PDE4D: variants seen among roughly 807,000 people sequenced by gnomAD.
The protein encoded by PDE4D is 3',5'-cyclic-AMP phosphodiesterase 4D.
A neutral mutation model predicts 87.4 loss-of-function variants in PDE4D; 24 were observed. That is an observed-to-expected ratio of 0.27 (90% CI 0.20 to 0.39). The LOEUF (loss-of-function observed/expected upper bound fraction) is 0.39, where lower values mean the gene tolerates loss of function less well. Ranked by LOEUF, PDE4D falls within the 10% of genes least tolerant of loss-of-function variation. The pLI, the probability that PDE4D is intolerant of heterozygous loss-of-function variation, is 1.00. For missense variants in PDE4D, 714 were observed against 1,041.0 expected (o/e 0.69, Z 4.32); for synonymous variants, 384 against 383.2 (o/e 1.00, Z -0.02).
chr5:59,656,673 T>G (rs1180616000), intron 1 of PDE4D, among the ~76,000 whole-genome samples: 1 of 152,186 alleles, frequency 6.6e-6, no homozygotes, highest in African/African-American at 2.4e-5. Flanking sequence ...GGAAGTTTCT[T>G]AAACTTTGAA....
At chr5:59,368,753 T>A (rs147273654) in intron 1 of PDE4D, among the ~76,000 whole-genome samples, 1 of 152,306 alleles carries the variant, frequency 6.6e-6, no homozygotes, top group South Asian at 2.1e-4. Context: ...AGTTGAACAA[T>A]TGATTGGGAA....
intron 1 of PDE4D, among the ~76,000 whole-genome samples, chr5:59,852,719 G>T (rs981059333): frequency 2.0e-5 from 3 of 151,974 alleles, no homozygotes; most frequent in African/African-American, 7.2e-5. Flanking sequence ...GGTATATGCA[G>T]CAATAGGTAA....
rs1452242755 is a variant in PDE4D, at chr5:59,593,996, G to A, written c.455+299172C>T. Among the ~76,000 whole-genome samples the A allele has an allele frequency of 3.9e-5, 6 of 152,128 alleles. No individual in the cohort carries two copies. The South Asian group carries it at 1.0e-3, about 26-fold the overall frequency. ...AGTTAATCAGAGCCTAACCTGCTGGGGTTTTTTGTTCCATTTTGTTTTGTT... is the reference window on the plus strand; with the variant it reads ...AGTTAATCAGAGCCTAACCTGCTGGAGTTTTTTGTTCCATTTTGTTTTGTT... On this transcript the variant is annotated intron_variant, in intron 1 of 14. Transcript: ENST00000340635.
At chr5:59,638,624 T>G (rs1184017970) in intron 1 of PDE4D, among the ~76,000 whole-genome samples, 1 of 151,884 alleles carries the variant, frequency 6.6e-6, no homozygotes, top group African/African-American at 2.4e-5. Flanking sequence ...ACCCTCTACC[T>G]CCCAATCCTT....
intron 1 of PDE4D, among the ~76,000 whole-genome samples, chr5:60,428,383 A>G (rs1407657611): frequency 6.6e-6 from 1 of 152,114 alleles, no homozygotes; most frequent in African/African-American, 2.4e-5. Flanking sequence ...ACAGAGGAAC[A>G]AAAAACAGAA....
rs546193330 is a variant in PDE4D at position 59,179,136 on chromosome 5, T to C, written c.808+1459A>G. On this transcript the variant is annotated intron_variant, in intron 5 of 14. Transcript: ENST00000340635. ...TTCTCTTTATTTTTTGGAGACAGTC[T>C]TACTCTGTTGCCCAGGCTGGAGTGC... is the stretch of plus-strand genomic sequence containing the variant. 5.3e-5 allele frequency among the ~76,000 whole-genome samples: 8 copies of C among 152,332 alleles called. No individual in the cohort carries two copies. In the South Asian group the frequency reaches 1.2e-3, roughly 24 times the overall value.
At chr5:59,529,110 T>A (rs1285552014) in intron 1 of PDE4D, 1 of 473,234 alleles carries the variant, frequency 2.1e-6, no homozygotes, top group Non-Finnish European at 4.2e-6. Flanking sequence ...AATTTCAGAC[T>A]CACTCCTAAA....
At chr5:59,923,489 A>G (rs1482798977) in intron 3 of PDE4D, among the ~76,000 whole-genome samples, 1 of 148,922 alleles carries the variant, frequency 6.7e-6, no homozygotes, top group Non-Finnish European at 1.5e-5. Context: ...CCCCTCCCCA[A>G]GCTCCAGGTA....
At chr5:60,362,244 C>G (rs1027131923) in intron 1 of PDE4D, among the ~76,000 whole-genome samples, 3 of 152,162 alleles carry the variant, frequency 2.0e-5, no homozygotes, top group African/African-American at 7.2e-5. Context: ...TTCCCATGGA[C>G]TGGTGTTGAT....
intron 1 of PDE4D, among the ~76,000 whole-genome samples, chr5:59,881,330 T>C (rs1281296870): frequency 2.0e-5 from 3 of 152,200 alleles, no homozygotes; most frequent in African/African-American, 7.2e-5. Flanking sequence ...AAAATAACAT[T>C]GAAATTAGTA....
intron 5 of PDE4D, among the ~76,000 whole-genome samples, chr5:59,113,465 C>A (rs1773032844): frequency 6.6e-6 from 1 of 152,142 alleles, no homozygotes; most frequent in Non-Finnish European, 1.5e-5. Context: ...AACACATCAA[C>A]AAATCAAAAT....
At chr5:60,238,941 C>T (rs1401575033) in intron 1 of PDE4D, among the ~76,000 whole-genome samples, 2 of 151,916 alleles carry the variant, frequency 1.3e-5, no homozygotes, top group Admixed American at 6.6e-5. Flanking sequence ...CAGGCCTTGG[C>T]GATGATCTTG....
chr5:59,861,243 T>A (rs1048317575), intron 1 of PDE4D, among the ~76,000 whole-genome samples: 11 of 152,162 alleles, frequency 7.2e-5, no homozygotes, highest in Non-Finnish European at 1.2e-4. Context: ...ATAACCTATA[T>A]TTAATTTAGC....
chr5:59,207,837 A>C (rs1749144270), intron 2 of PDE4D, among the ~76,000 whole-genome samples: 1 of 151,722 alleles, frequency 6.6e-6, no homozygotes, highest in Non-Finnish European at 1.5e-5. Context: ...GAGTGAGAAA[A>C]ACTCACATGA....
chr5:60,139,672 A>C (rs952018666), intron 2 of PDE4D, among the ~76,000 whole-genome samples: 10 of 152,074 alleles, frequency 6.6e-5, no homozygotes, highest in African/African-American at 2.4e-4. Flanking sequence ...CGTTGGAAAC[A>C]TATATAGTAT....
intron 1 of PDE4D, among the ~76,000 whole-genome samples, chr5:59,218,450 A>C (rs1751743417): frequency 6.6e-6 from 1 of 152,158 alleles, no homozygotes; most frequent in Non-Finnish European, 1.5e-5. Context: ...AAATACCTTA[A>C]GTCATTTAGA....
intron 3 of PDE4D, among the ~76,000 whole-genome samples, chr5:59,944,651 G>A (rs1332218370): frequency 2.0e-5 from 3 of 151,658 alleles, no homozygotes; most frequent in East Asian, 2.0e-4. Flanking sequence ...GATTACAGGC[G>A]TGAGCCACCG....
At chr5:59,620,694 T>A (rs1830246873) in intron 1 of PDE4D, among the ~76,000 whole-genome samples, 1 of 152,168 alleles carries the variant, frequency 6.6e-6, no homozygotes, top group Non-Finnish European at 1.5e-5. Context: ...TCTTTGTGGG[T>A]AGAACCAAAG....
intron 1 of PDE4D, among the ~76,000 whole-genome samples, chr5:59,832,944 G>A (rs1293770062): frequency 6.6e-6 from 1 of 152,004 alleles, no homozygotes; most frequent in East Asian, 1.9e-4. Context: ...GCAGAGATGG[G>A]GGCCGGAAGG....
Sources: gnomAD v4.1 joint callset for allele counts (sites outside exome capture counted in the v4.1 genomes callset) on GRCh38, gnomAD v4.1.1 for gene constraint, MANE v1.5 for transcripts, NCBI Gene and HGNC (gene_info 2026-07-23, HGNC 2026-07-21) for gene names.